The following PDZD2 variants were observed in gnomAD, a reference collection of about 807,000 sequenced individuals.
The protein encoded by PDZD2 is PDZ domain-containing protein 2.
A neutral mutation model predicts 220.7 loss-of-function variants in PDZD2; 90 were observed. The ratio of observed to expected loss-of-function variants is 0.41; its 90% CI spans 0.34 to 0.49. The LOEUF is 0.49. Ranked by LOEUF, PDZD2 falls within the 20% of genes least tolerant of loss-of-function variation. PDZD2 has a pLI of 0.28. For synonymous variants in PDZD2, 1,375 were observed against 1,450.5 expected, an observed-to-expected ratio of 0.95 and a Z score of 1.18; for missense variants, 3,174 against 3,608.5, an observed-to-expected ratio of 0.88 and a Z score of 3.08.
At chr5:31,721,405 ACT>A (rs1748781338) in intron 1 of PDZD2, among the ~76,000 whole-genome samples, 1 of 151,806 alleles carries the variant, frequency 6.6e-6, no homozygotes, top group Admixed American at 6.6e-5. Context: ...CTCACTCCCA[ACT>A]CTGTTTTCTT....
chr5:32,085,021 A>G (rs902876434), intron 19 of PDZD2, among the ~76,000 whole-genome samples: 3 of 141,928 alleles, frequency 2.1e-5, no homozygotes, highest in Admixed American at 7.6e-5. Context: ...CAGTGGTGCA[A>G]TCTCAGCTCA....
In PDZD2 at chr5:32,041,084, G is replaced by T. The variant is rs1358244066; in HGVS notation, c.1519+3742G>T. 2.0e-5 allele frequency among the ~76,000 whole-genome samples: 3 copies of T among 146,428 alleles called. No homozygotes were observed. In the East Asian group the frequency reaches 6.4e-4, roughly 31 times the overall value. The stretch of plus-strand genomic sequence containing the variant: ...GGGAAGTGGGGAGCGCCTCTGTCCG[G>T]CCGCCCCATCTAGGAAGCGGGGAGC... On this transcript the variant is annotated intron_variant, in intron 7 of 24. Coordinates refer to ENST00000438447, the MANE Select transcript of PDZD2 (RefSeq NM_178140.4).
chr5:31,818,069 A>G (rs1273911889), intron 2 of PDZD2, among the ~76,000 whole-genome samples: 1 of 149,158 alleles, frequency 6.7e-6, no homozygotes, highest in Non-Finnish European at 1.5e-5. Context: ...TCCCGGACTC[A>G]GGTGATCCTC....
At chr5:31,675,815 G>A (rs1471126139) in intron 1 of PDZD2, among the ~76,000 whole-genome samples, 2 of 152,074 alleles carry the variant, frequency 1.3e-5, no homozygotes, top group Non-Finnish European at 2.9e-5. Flanking sequence ...TCCAACCTCG[G>A]CCTTGCAAGT....
intron 1 of PDZD2, among the ~76,000 whole-genome samples, chr5:31,654,501 A>T (rs1745471343): frequency 6.6e-6 from 1 of 151,326 alleles, no homozygotes; most frequent in Non-Finnish European, 1.5e-5. Flanking sequence ...TAAGCCGAGA[A>T]CTCCCACCGA....
intron 3 of PDZD2, among the ~76,000 whole-genome samples, chr5:31,985,409 A>G (rs1183136762): frequency 6.6e-6 from 1 of 152,220 alleles, no homozygotes; most frequent in Non-Finnish European, 1.5e-5. Context: ...ATTTTAAAAC[A>G]AAGGGCCAGG....
intron 18 of PDZD2, among the ~76,000 whole-genome samples, chr5:32,075,072 G>A (rs34212058): frequency 0.032 from 4,814 of 152,182 alleles, 109 homozygotes; most frequent in Middle Eastern, 0.061. Flanking sequence ...TCGGCCTCCT[G>A]AAGTGCTGGG....
chr5:31,873,807 G>A (rs939139517), intron 2 of PDZD2, among the ~76,000 whole-genome samples: 30 of 150,620 alleles, frequency 2.0e-4, no homozygotes, highest in Non-Finnish European at 5.9e-5. Context: ...CTCGGCTCAC[G>A]GCAACCTCCA....
intron 1 of PDZD2, among the ~76,000 whole-genome samples, chr5:31,767,003 C>T (rs1471608703): frequency 6.9e-6 from 1 of 144,906 alleles, no homozygotes; most frequent in Non-Finnish European, 1.5e-5. Flanking sequence ...TGGGGGATTA[C>T]AGGTGTGAGC....
At chr5:32,049,309 A>T (rs891423055) in intron 8 of PDZD2, among the ~76,000 whole-genome samples, 1 of 152,190 alleles carries the variant, frequency 6.6e-6, no homozygotes, top group African/African-American at 2.4e-5. Context: ...ACCAAGGCTA[A>T]GGCAGGCTCA....
intron 2 of PDZD2, among the ~76,000 whole-genome samples, chr5:31,896,323 C>CTT (rs1491369870): frequency 7.3e-6 from 1 of 136,358 alleles, no homozygotes; most frequent in African/African-American, 2.7e-5. Context: ...TTGATACTCT[C>CTT]GTGTGTGTGT....
At chr5:31,676,372 G>A (rs1474188945) in intron 1 of PDZD2, among the ~76,000 whole-genome samples, 3 of 152,088 alleles carry the variant, frequency 2.0e-5, no homozygotes, top group Non-Finnish European at 4.4e-5. Flanking sequence ...TACACCGAAG[G>A]CCTCAGAGGT....
At chr5:32,047,896 T>C (rs1046545510) in intron 7 of PDZD2, among the ~76,000 whole-genome samples, 3 of 152,352 alleles carry the variant, frequency 2.0e-5, no homozygotes, top group East Asian at 1.9e-4. Flanking sequence ...TATTCATTGA[T>C]GTAAAATTAA....
At chr5:31,845,786 T>C (rs376986871) in intron 2 of PDZD2, among the ~76,000 whole-genome samples, 11 of 152,338 alleles carry the variant, frequency 7.2e-5, no homozygotes, top group African/African-American at 2.2e-4. Flanking sequence ...TATTCTAAGA[T>C]TGTAATAGGG....
At chr5:32,046,490 A>AC (rs775571439) in intron 7 of PDZD2, among the ~76,000 whole-genome samples, 13 of 152,032 alleles carry the variant, frequency 8.6e-5, no homozygotes, top group Non-Finnish European at 1.8e-4. Context: ...CGATCGGCCC[A>AC]CCTCGGCCTC....
chr5:31,797,297 G>A (rs1431922233), intron 1 of PDZD2, among the ~76,000 whole-genome samples: 3 of 151,472 alleles, frequency 2.0e-5, no homozygotes, highest in Non-Finnish European at 2.9e-5. Flanking sequence ...CTAACATCCT[G>A]AATCACAGGC....
Position 31,704,528 on chromosome 5 carries a change from C to T in PDZD2, c.-361+65091C>T, listed in dbSNP as rs74905902. 6.0e-3 allele frequency among the ~76,000 whole-genome samples: 915 copies of T among 152,308 alleles called. 5 individuals are homozygous for T. Among genetic ancestry groups the T allele is most frequent in the Admixed American group, 9.9e-3 (151 of 15,298 alleles). Reference sequence around the variant, plus strand: ...AATAAGTGCATCCATCCAGTGGACACGCCACAGTTGACTTAACTAGTGCTC... The same window carrying T: ...AATAAGTGCATCCATCCAGTGGACATGCCACAGTTGACTTAACTAGTGCTC... On this transcript the variant is annotated intron_variant, in intron 1 of 24. Coordinates refer to ENST00000438447, the MANE Select transcript of PDZD2 (RefSeq NM_178140.4).
intron 19 of PDZD2, among the ~76,000 whole-genome samples, chr5:32,085,876 T>TA (rs1742401625): frequency 2.0e-5 from 3 of 151,916 alleles, no homozygotes; most frequent in Non-Finnish European, 2.9e-5. Flanking sequence ...TCTATTTCTG[T>TA]AAAAAATGTC....
intron 1 of PDZD2, among the ~76,000 whole-genome samples, chr5:31,752,069 G>GTTTATTTTTTT (rs1491302993): frequency 1.0e-5 from 1 of 95,858 alleles, no homozygotes; most frequent in Non-Finnish European, 1.9e-5. Flanking sequence ...ATTGTTTTGG[G>GTTTATTTTTTT]TTTGTTTTTT....
Sources: allele counts gnomAD v4.1 joint callset (sites outside exome capture counted in the v4.1 genomes callset), GRCh38; gene constraint gnomAD v4.1.1; transcripts MANE v1.5; gene names NCBI Gene and HGNC (gene_info 2026-07-23, HGNC 2026-07-21).